Variants in PPP3CC observed in about 807,000 individuals in gnomAD.
The protein encoded by PPP3CC is serine/threonine-protein phosphatase 2B catalytic subunit gamma isoform.
PPP3CC carries 35 observed loss-of-function variants against 60.3 expected under a neutral mutation model. The ratio of observed to expected loss-of-function variants is 0.58; its 90% CI spans 0.44 to 0.77. PPP3CC has a LOEUF of 0.77. Among genes scored for constraint, PPP3CC ranks in the 30% least tolerant of loss-of-function variants. The probability of loss-of-function intolerance (pLI) is 0.00; values close to 1 mark genes in which losing one functional copy is unlikely to be tolerated. For synonymous variants in PPP3CC, 206 were observed against 224.3 expected (o/e 0.92, Z 0.73); for missense variants, 570 against 628.9 (o/e 0.91, Z 1.00).
chr8:22,448,112 A>G (rs1836887799), intron 1 of PPP3CC, among the ~76,000 whole-genome samples: 1 of 152,250 alleles, frequency 6.6e-6, no homozygotes. Context: ...AGCTGAGCTT[A>G]GTTATAGTAG....
chr8:22,468,131 T>A (rs1837603400), intron 1 of PPP3CC, among the ~76,000 whole-genome samples: 1 of 151,976 alleles, frequency 6.6e-6, no homozygotes, highest in Admixed American at 6.6e-5. Context: ...TGAGGCAGAG[T>A]CTTGCTCTGT....
chr8:22,532,537 C>T (rs1353396385), intron 11 of PPP3CC, among the ~76,000 whole-genome samples: 1 of 152,152 alleles, frequency 6.6e-6, no homozygotes, highest in Non-Finnish European at 1.5e-5. Flanking sequence ...CTTTCCAACC[C>T]GATTGCCTGT....
chr8:22,504,499 G>A (rs568289301), intron 4 of PPP3CC, among the ~76,000 whole-genome samples: 7 of 151,828 alleles, frequency 4.6e-5, no homozygotes, highest in African/African-American at 1.7e-4. Flanking sequence ...ACTGAGTCTC[G>A]CCTATGTTGC....
intron 1 of PPP3CC, among the ~76,000 whole-genome samples, chr8:22,463,141 A>C (rs982782022): frequency 6.6e-6 from 1 of 152,228 alleles, no homozygotes; most frequent in East Asian, 1.9e-4. Flanking sequence ...GAGAGAGAAG[A>C]AAATGCCAAG....
intron 1 of PPP3CC, among the ~76,000 whole-genome samples, chr8:22,444,261 C>CA (rs140849668): frequency 0.19 from 22,677 of 122,138 alleles, 3,276 homozygotes; most frequent in African/African-American, 0.44. Flanking sequence ...AGTCTCAAGC[C>CA]AAAAAAAAAA....
intron 12 of PPP3CC, among the ~76,000 whole-genome samples, chr8:22,535,346 A>C (rs1385590139): frequency 6.6e-6 from 1 of 152,224 alleles, no homozygotes; most frequent in Non-Finnish European, 1.5e-5. Flanking sequence ...ACAGGAGATC[A>C]TATTACTGGG....
chr8:22,511,638 G>T (rs1839090993), intron 5 of PPP3CC, among the ~76,000 whole-genome samples: 1 of 152,080 alleles, frequency 6.6e-6, no homozygotes, highest in Non-Finnish European at 1.5e-5. Flanking sequence ...TATAGATAAT[G>T]AAAAGTAAGA....
intron 1 of PPP3CC, among the ~76,000 whole-genome samples, chr8:22,442,076 G>A (rs1836689403): frequency 6.6e-6 from 1 of 152,190 alleles, no homozygotes; most frequent in Non-Finnish European, 1.5e-5. Flanking sequence ...ATTCATATGT[G>A]TACCTGCGTT....
chr8:22,452,019 G>GTT (rs397823337), intron 1 of PPP3CC, among the ~76,000 whole-genome samples: 2,994 of 143,538 alleles, frequency 0.021, 106 homozygotes, highest in African/African-American at 0.072. Flanking sequence ...GTGCATAATG[G>GTT]TTTTTTTTTT....
chr8:22,445,207 A>G (rs1471955595), intron 1 of PPP3CC, among the ~76,000 whole-genome samples: 1 of 152,142 alleles, frequency 6.6e-6, no homozygotes, highest in South Asian at 2.1e-4. Flanking sequence ...TATTGTGCTT[A>G]TGGCTTTCTT....
intron 6 of PPP3CC, among the ~76,000 whole-genome samples, chr8:22,518,543 A>G (rs1042625834): frequency 1.3e-5 from 2 of 152,138 alleles, no homozygotes; most frequent in East Asian, 1.9e-4. Context: ...GAAGAATTCT[A>G]TTCTTCTGTT....
chr8:22,443,097 A>C (rs1836721715), intron 1 of PPP3CC, among the ~76,000 whole-genome samples: 1 of 152,228 alleles, frequency 6.6e-6, no homozygotes, highest in African/African-American at 2.4e-5. Context: ...CTCACAATCA[A>C]ATCACCATTG....
intron 3 of PPP3CC, among the ~76,000 whole-genome samples, chr8:22,479,401 G>A (rs1038381318): frequency 3.3e-5 from 5 of 151,690 alleles, no homozygotes; most frequent in Admixed American, 1.3e-4. Context: ...CATTTTGTAC[G>A]CTCCTTTTCT....
intron 1 of PPP3CC, among the ~76,000 whole-genome samples, chr8:22,446,472 A>G (rs1836824852): frequency 6.6e-6 from 1 of 152,214 alleles, no homozygotes; most frequent in Non-Finnish European, 1.5e-5. Context: ...CCTTTTCCTA[A>G]GCAGTATTTG....
At chr8:22,505,459 T>C (rs748784910) in intron 4 of PPP3CC, among the ~76,000 whole-genome samples, 2 of 152,226 alleles carry the variant, frequency 1.3e-5, no homozygotes, top group African/African-American at 2.4e-5. Flanking sequence ...CTGTTTGTCA[T>C]TGCTCATTGC....
intron 3 of PPP3CC, among the ~76,000 whole-genome samples, chr8:22,477,394 T>C (rs1460081669): frequency 6.6e-6 from 1 of 151,734 alleles, no homozygotes; most frequent in Non-Finnish European, 1.5e-5. Flanking sequence ...GGATAATCAC[T>C]TGAACCTGGG....
chr8:22,532,421 A>C, intron 11 of PPP3CC, 115 bp downstream of exon 11: 1 of 806,844 alleles, frequency 1.2e-6, no homozygotes, highest in Non-Finnish European at 2.0e-6. Flanking sequence ...GCAGGTCTTT[A>C]GGTTGAGTGC....
At chr8:22,462,619 G>A (rs938397942) in intron 1 of PPP3CC, among the ~76,000 whole-genome samples, 3 of 148,426 alleles carry the variant, frequency 2.0e-5, no homozygotes, top group Non-Finnish European at 4.5e-5. Context: ...TGCCCAGGCT[G>A]GAGTGCGGTG....
chr8:22,461,145 A>G (rs1837351609), intron 1 of PPP3CC, among the ~76,000 whole-genome samples: 1 of 152,198 alleles, frequency 6.6e-6, no homozygotes, highest in African/African-American at 2.4e-5. Context: ...CACCCAGCTG[A>G]AAATCTTTAC....
Sources: allele counts gnomAD v4.1 joint callset (sites outside exome capture counted in the v4.1 genomes callset), GRCh38; gene constraint gnomAD v4.1.1; transcripts MANE v1.5; gene names NCBI Gene and HGNC (gene_info 2026-07-23, HGNC 2026-07-21).